The following SLC24A2 variants were observed in gnomAD, a reference collection of about 807,000 sequenced individuals.
SLC24A2 encodes the protein sodium/potassium/calcium exchanger 2.
Under a neutral mutation model 62.0 loss-of-function variants are expected in SLC24A2, and 36 were observed. The ratio of observed to expected loss-of-function variants is 0.58; its 90% CI spans 0.44 to 0.77. The LOEUF (loss-of-function observed/expected upper bound fraction) is 0.77. Ranked by LOEUF, SLC24A2 falls within the 30% of genes least tolerant of loss-of-function variation. The pLI is 0.00. For synonymous variants in SLC24A2, 358 were observed against 294.0 expected (o/e 1.22, Z -2.23); for missense variants, 846 against 817.9 (o/e 1.03, Z -0.42).
the SLC24A2 span, among the ~76,000 whole-genome samples, chr9:19,953,936 G>A: frequency 6.6e-6 from 1 of 151,246 alleles, no homozygotes; most frequent in African/African-American, 2.4e-5. Flanking sequence ...TTTTCACACT[G>A]TCCTATTGAT....
the SLC24A2 span, among the ~76,000 whole-genome samples, chr9:20,020,530 A>G: frequency 6.6e-6 from 1 of 152,238 alleles, no homozygotes; most frequent in Admixed American, 6.5e-5. Flanking sequence ...ATGAGAACAC[A>G]TGGACACAGG....
the SLC24A2 span, among the ~76,000 whole-genome samples, chr9:19,962,691 AT>A: frequency 2.0e-5 from 3 of 152,092 alleles, no homozygotes; most frequent in Non-Finnish European, 4.4e-5. Context: ...AATGCTTGTG[AT>A]TTTTGTACAT....
the SLC24A2 span, among the ~76,000 whole-genome samples, chr9:20,190,739 A>T: frequency 2.0e-5 from 3 of 152,198 alleles, no homozygotes; most frequent in Non-Finnish European, 4.4e-5. Flanking sequence ...AATAAAAATT[A>T]AAAAAATCCC....
chr9:20,092,173 CTG>C, the SLC24A2 span, among the ~76,000 whole-genome samples: 1 of 152,212 alleles, frequency 6.6e-6, no homozygotes, highest in Non-Finnish European at 1.5e-5. Flanking sequence ...ATGAAATAAT[CTG>C]TACAACAAAC....
the SLC24A2 span, among the ~76,000 whole-genome samples, chr9:20,306,301 T>C: frequency 3.3e-5 from 5 of 152,172 alleles, no homozygotes; most frequent in African/African-American, 1.2e-4. Context: ...ACAATCACTA[T>C]AGTTCTTTTA....
At chr9:20,232,561 T>C in the SLC24A2 span, among the ~76,000 whole-genome samples, 1 of 152,242 alleles carries the variant, frequency 6.6e-6, no homozygotes, top group Non-Finnish European at 1.5e-5. Context: ...AGTTTGTATT[T>C]CTGTGGGATC....
the SLC24A2 span, among the ~76,000 whole-genome samples, chr9:20,093,944 C>A: frequency 1.3e-5 from 2 of 151,990 alleles, no homozygotes; most frequent in East Asian, 3.9e-4. Context: ...CTACTATGTA[C>A]TCACAGAAAT....
chr9:20,024,314 C>G, the SLC24A2 span, among the ~76,000 whole-genome samples: 1 of 152,140 alleles, frequency 6.6e-6, no homozygotes, highest in Non-Finnish European at 1.5e-5. Flanking sequence ...TCACAAAGGG[C>G]TTAGAAAAAA....
rs558667547 is a variant in SLC24A2 at position 19,721,551 on chromosome 9, A to C, written c.930+64386T>G. ...TAAAAGCTTTAACCATGAGATGATA[A>C]ATCTGATAAAATCAGGGCAATTAAT... On this transcript the variant is annotated intron_variant, in intron 2 of 10. Coordinates refer to ENST00000341998, the MANE Select transcript of SLC24A2 (RefSeq NM_020344.4). Among the ~76,000 whole-genome samples, 12 of 152,234 alleles carry C rather than the reference A, an allele frequency of 7.9e-5. No homozygotes were observed. The East Asian group carries it at 2.3e-3, about 29-fold the overall frequency.
chr9:19,845,126 T>A, the SLC24A2 span, among the ~76,000 whole-genome samples: 1 of 152,198 alleles, frequency 6.6e-6, no homozygotes, highest in Admixed American at 6.5e-5. Flanking sequence ...CTTAACAATA[T>A]TGATTCTTCC....
the SLC24A2 span, among the ~76,000 whole-genome samples, chr9:19,995,079 CTTT>C: frequency 6.9e-6 from 1 of 145,436 alleles, no homozygotes. Context: ...TATCTCAGGC[CTTT>C]TTTTTTTTTC....
At chr9:20,070,014 C>G in the SLC24A2 span, among the ~76,000 whole-genome samples, 1 of 152,264 alleles carries the variant, frequency 6.6e-6, no homozygotes, top group South Asian at 2.1e-4. Context: ...ATCAGTATGA[C>G]TTTATTATTC....
At chr9:19,887,056 A>G in the SLC24A2 span, among the ~76,000 whole-genome samples, 61,885 of 151,932 alleles carry the variant, frequency 0.41, 13,196 homozygotes, top group East Asian at 0.84. Flanking sequence ...CTGTAAGGGG[A>G]CAGGGGAAGG....
At chr9:19,863,069 C>T in the SLC24A2 span, among the ~76,000 whole-genome samples, 1 of 151,878 alleles carries the variant, frequency 6.6e-6, no homozygotes, top group Non-Finnish European at 1.5e-5. Context: ...TATTCCATGC[C>T]ATTGGAAGCC....
At chr9:20,100,568 T>G in the SLC24A2 span, among the ~76,000 whole-genome samples, 1 of 152,222 alleles carries the variant, frequency 6.6e-6, no homozygotes, top group African/African-American at 2.4e-5. Context: ...ATGGAAGGCT[T>G]TCATCAAGTT....
At chr9:20,040,875 T>G in the SLC24A2 span, among the ~76,000 whole-genome samples, 6 of 152,240 alleles carry the variant, frequency 3.9e-5, no homozygotes, top group African/African-American at 1.4e-4. Context: ...GCCGTTTGTC[T>G]ACCTGTGGCA....
rs764450218 is a variant in SLC24A2 at position 19,547,844 on chromosome 9, CAG to C, written c.1479+2291_1479+2292del. Among the ~76,000 whole-genome samples, 23 of 151,678 alleles carry C rather than the reference CAG, an allele frequency of 1.5e-4. No homozygotes were observed. In the East Asian group the frequency reaches 3.5e-3, roughly 23 times the overall value. On this transcript the variant is annotated intron_variant, in intron 8 of 10. Transcript: ENST00000341998. ...AGAGCAAGAGAGAGAGAGAGACAGA[CAG>C]AGAGAGGAGAGACAATGCAAGCATA... is the stretch of plus-strand genomic sequence containing the variant.
chr9:19,665,948 T>C (rs1241249183), intron 2 of SLC24A2, among the ~76,000 whole-genome samples: 1 of 152,140 alleles, frequency 6.6e-6, no homozygotes, highest in Non-Finnish European at 1.5e-5. Context: ...GGTATGCCAC[T>C]GCACCCGGCC....
rs532159671 is a variant in SLC24A2 at position 19,550,817 on chromosome 9, A to G, written c.1348-549T>C. 1.5e-3 allele frequency among the ~76,000 whole-genome samples: 224 copies of G among 152,062 alleles called. 1 individual carries two copies. Among genetic ancestry groups the G allele is most frequent in the African/African-American group, 5.1e-3 (211 of 41,484 alleles). On this transcript the variant is annotated intron_variant, in intron 7 of 10. Transcript: ENST00000341998. Reference sequence around the variant, plus strand: ...ACTTCCCACTGGCCTTGGAATAGCTAAGTGCATTGATTTTTGTGTAGTTGT... The same window carrying G: ...ACTTCCCACTGGCCTTGGAATAGCTGAGTGCATTGATTTTTGTGTAGTTGT...
Sources: gnomAD v4.1 joint callset for allele counts (sites outside exome capture counted in the v4.1 genomes callset) on GRCh38, gnomAD v4.1.1 for gene constraint, MANE v1.5 for transcripts, NCBI Gene and HGNC (gene_info 2026-07-23, HGNC 2026-07-21) for gene names.